The following SLC38A4 variants were observed in gnomAD, a reference collection of about 807,000 sequenced individuals.
SLC38A4 encodes the protein sodium-coupled neutral amino acid transporter 4.
A neutral mutation model predicts 63.1 loss-of-function variants in SLC38A4; 20 were observed. The observed-to-expected ratio is 0.32, with a 90% CI of 0.22 to 0.46. The LOEUF is 0.46. Ranked by LOEUF, SLC38A4 falls within the 20% of genes least tolerant of loss-of-function variation. The pLI, the probability that SLC38A4 is intolerant of heterozygous loss-of-function variation, is 1.00. For synonymous variants in SLC38A4, 230 were observed against 225.5 expected (o/e 1.02, Z -0.18); for missense variants, 526 against 663.6 (o/e 0.79, Z 2.28).
At chr12:46,778,240 G>C (rs774725776) in intron 12 of SLC38A4, 49 bp downstream of exon 12, 2 of 1,555,042 alleles carry the variant, frequency 1.3e-6, no homozygotes, top group Non-Finnish European at 1.8e-6. Flanking sequence ...TTGAACATAT[G>C]AGCAGAATTT....
chr12:46,806,557 T>C (rs994009136), intron 1 of SLC38A4, among the ~76,000 whole-genome samples: 4 of 151,986 alleles, frequency 2.6e-5, no homozygotes, highest in Admixed American at 1.3e-4. Context: ...AAATTTAAAT[T>C]GGAACCAATG....
intron 2 of SLC38A4, among the ~76,000 whole-genome samples, chr12:46,803,401 G>T: frequency 6.6e-6 from 1 of 151,802 alleles, no homozygotes; most frequent in East Asian, 1.9e-4. Flanking sequence ...ATCTGTAAAA[G>T]AAAACTGCAA....
At chr12:46,788,938 C>A (rs982146246) in intron 3 of SLC38A4, among the ~76,000 whole-genome samples, 4 of 152,118 alleles carry the variant, frequency 2.6e-5, no homozygotes, top group African/African-American at 9.7e-5. Flanking sequence ...CATTTAGAGC[C>A]CTTCCAAAGA....
chr12:46,788,359 A>G (rs1938806526), intron 4 of SLC38A4, among the ~76,000 whole-genome samples, 169 bp downstream of exon 4: 1 of 152,230 alleles, frequency 6.6e-6, no homozygotes, highest in Non-Finnish European at 1.5e-5. Context: ...TCATGCAGCC[A>G]TATGGCGAAC....
chr12:46,806,165 A>C (rs58512975), intron 1 of SLC38A4, among the ~76,000 whole-genome samples: 5,446 of 151,874 alleles, frequency 0.036, 315 homozygotes, highest in African/African-American at 0.12. Flanking sequence ...AGTATACTAA[A>C]TAGTTACAGT....
chr12:46,824,931 A>G (rs1009812844), intron 1 of SLC38A4, among the ~76,000 whole-genome samples: 4 of 152,256 alleles, frequency 2.6e-5, no homozygotes, highest in African/African-American at 9.6e-5. Context: ...TGGGTTTAAT[A>G]TTATACTAAA....
At chr12:46,800,235 T>A (rs1193275230) in intron 2 of SLC38A4, among the ~76,000 whole-genome samples, 1 of 152,084 alleles carries the variant, frequency 6.6e-6, no homozygotes, top group African/African-American at 2.4e-5. Flanking sequence ...TTATTTAAAA[T>A]TCATCCACTT....
rs779442605 is a variant in SLC38A4, at chr12:46,788,022, T to C, written c.220A>G (p.Thr74Ala). ...ADYADEHHPG[T>A]TSFGMSSFNL... ...AATGAAGACATTCCAAAGGAAGTGG[T>C]TCCGGGATGCTTGAAAAAGAAGGGA... Residue 74 changes from threonine (T) to alanine (A), a missense_variant, in exon 5 of 17, where the codon ACC becomes GCC. Coordinates refer to ENST00000266579, the MANE Select transcript of SLC38A4 (RefSeq NM_018018.5). The C allele has an allele frequency of 1.9e-6, 3 of 1,613,238 alleles. No homozygotes were observed. In the African/African-American group the frequency reaches 4.0e-5, roughly 22 times the overall value.
rs182066711 is a variant in SLC38A4 at position 46,781,493 on chromosome 12, G to T, written c.494-1463C>A. ...AACATGTTTGGTCTTCAAAAATTCA[G>T]AATGATCCAGACATTAATCTGTTAA... is the stretch of plus-strand genomic sequence containing the variant. On this transcript the variant is annotated intron_variant, in intron 7 of 16. Coordinates refer to ENST00000266579, the MANE Select transcript of SLC38A4 (RefSeq NM_018018.5). Among the ~76,000 whole-genome samples, 132 of 152,124 alleles carry T rather than the reference G, an allele frequency of 8.7e-4. 1 individual carries two copies. The highest frequency in any genetic ancestry group is 8.7e-3 in the Admixed American group (132 of 15,258).
intron 1 of SLC38A4, among the ~76,000 whole-genome samples, chr12:46,818,517 G>A (rs1009286260): frequency 6.6e-6 from 1 of 151,504 alleles, no homozygotes; most frequent in Non-Finnish European, 1.5e-5. Context: ...ACTTAGTTTT[G>A]GTAATATAGT....
intron 6 of SLC38A4, 91 bp from the exon 7 acceptor site, chr12:46,784,725 A>G (rs890947907): frequency 2.1e-6 from 2 of 962,308 alleles, no homozygotes; most frequent in African/African-American, 1.7e-5. Context: ...AGTCTCAAAC[A>G]TGTAAATAAA....
intron 6 of SLC38A4, 124 bp from the exon 7 acceptor site, chr12:46,784,758 C>T: frequency 1.4e-6 from 1 of 694,114 alleles, no homozygotes; most frequent in Middle Eastern, 4.0e-4. Context: ...ATTATAAGCC[C>T]AAAAGATGCA....
chr12:46,792,546 G>A (rs981071230), intron 3 of SLC38A4, among the ~76,000 whole-genome samples: 20 of 152,094 alleles, frequency 1.3e-4, no homozygotes, highest in Non-Finnish European at 2.5e-4. Flanking sequence ...AAACTTAACA[G>A]GCTGGGTATA....
At chr12:46,808,897 A>C (rs984986785) in intron 1 of SLC38A4, among the ~76,000 whole-genome samples, 1 of 152,088 alleles carries the variant, frequency 6.6e-6, no homozygotes, top group Admixed American at 6.6e-5. Context: ...CACCTTGTTA[A>C]CGTAAGTTCT....
chr12:46,765,095 T>C lies in SLC38A4; in HGVS notation c.*1606A>G, dbSNP rs1247275079. On this transcript the variant is annotated 3_prime_UTR_variant, in exon 17 of 17. Transcript: ENST00000266579. ...GTAAATATATCCTAAAGATGCTATT[T>C]GGCAGATTTTTTTCAAATAATAGTA... 1 of 152,664 alleles carries C rather than the reference T, an allele frequency of 6.6e-6. No homozygotes were observed. Among genetic ancestry groups the C allele is most frequent in the East Asian group, 1.9e-4 (1 of 5,200 alleles). 9.5% of individuals were successfully genotyped at this position (152,664 alleles called of 1,614,324 possible). A position where few individuals can be genotyped will look rare whatever the true frequency, so the allele number is the denominator to read the frequency against.
chr12:46,819,463 A>G (rs185346184), intron 1 of SLC38A4, among the ~76,000 whole-genome samples: 1 of 151,964 alleles, frequency 6.6e-6, no homozygotes, highest in East Asian at 1.9e-4. Context: ...ATTATTAAAT[A>G]CCAATTAAAA....
chr12:46,799,321 G>A (rs1411938951), intron 2 of SLC38A4, among the ~76,000 whole-genome samples: 1 of 152,070 alleles, frequency 6.6e-6, no homozygotes, highest in Non-Finnish European at 1.5e-5. Context: ...TATTTATTGG[G>A]ATGGGCACGG....
chr12:46,784,662 T>C, intron 6 of SLC38A4, 28 bp from the exon 7 acceptor site: 1 of 1,554,636 alleles, frequency 6.4e-7, no homozygotes, highest in Non-Finnish European at 8.8e-7. Flanking sequence ...ATAGCCTTGT[T>C]AAAGAGATTG....
At chr12:46,826,978 T>G (rs538532325), upstream of SLC38A4, among the ~76,000 whole-genome samples, 5 of 152,216 alleles carry the variant, frequency 3.3e-5, no homozygotes, top group Non-Finnish European at 7.3e-5. Context: ...TCAACAAACA[T>G]GTACCAGTGT....
Sources: allele counts gnomAD v4.1 joint callset (sites outside exome capture counted in the v4.1 genomes callset), GRCh38; gene constraint gnomAD v4.1.1; transcripts MANE v1.5; gene names NCBI Gene and HGNC (gene_info 2026-07-23, HGNC 2026-07-21).